CTDP1: variants seen among roughly 807,000 people sequenced by gnomAD.
The protein encoded by CTDP1 is RNA polymerase II subunit A C-terminal domain phosphatase.
A neutral mutation model predicts 91.8 loss-of-function variants in CTDP1; 47 were observed. The observed-to-expected ratio is 0.51, with a 90% CI of 0.41 to 0.65. The LOEUF (loss-of-function observed/expected upper bound fraction) is 0.65, where lower values mean the gene tolerates loss of function less well. CTDP1 is among the 30% of genes least tolerant of loss of function. CTDP1 has a pLI of 0.00. For missense variants in CTDP1, 1,272 were observed against 1,373.7 expected (o/e 0.93, Z 1.17); for synonymous variants, 656 against 598.5 (o/e 1.10, Z -1.40).
chr18:79,677,193 A>G (rs1475782001), upstream of CTDP1: 1 of 152,292 alleles, frequency 6.6e-6, no homozygotes, highest in Non-Finnish European at 1.5e-5. Flanking sequence ...GTGAGTGTGG[A>G]GCCCTTGGCC....
intron 1 of CTDP1, among the ~76,000 whole-genome samples, chr18:79,694,312 G>A (rs1379186762): frequency 1.8e-5 from 2 of 108,562 alleles, no homozygotes; most frequent in African/African-American, 6.3e-5. Flanking sequence ...TGTCCACGGG[G>A]TGGGGTGGTC....
intron 12 of CTDP1, among the ~76,000 whole-genome samples, chr18:79,747,410 G>A (rs1392687085): frequency 1.3e-5 from 2 of 152,218 alleles, no homozygotes; most frequent in Admixed American, 6.5e-5. Context: ...AGGTGCAGAC[G>A]CCACGGAGGG....
At chr18:79,728,787 G>A (rs565268665) in intron 10 of CTDP1, 120 bp from the exon 11 acceptor site, 15 of 837,890 alleles carry the variant, frequency 1.8e-5, no homozygotes, top group South Asian at 1.3e-4. Context: ...TTTTTCATAC[G>A]TGTTCCCTGT....
chr18:79,743,436 G>A (rs1033090632), intron 12 of CTDP1, among the ~76,000 whole-genome samples: 1 of 146,742 alleles, frequency 6.8e-6, no homozygotes, highest in Non-Finnish European at 1.5e-5. Flanking sequence ...TGAGGCAGGA[G>A]AATTGCTTGA....
At chr18:79,685,102 G>A (rs1414272826) in intron 1 of CTDP1, among the ~76,000 whole-genome samples, 1 of 152,230 alleles carries the variant, frequency 6.6e-6, no homozygotes, top group African/African-American at 2.4e-5. Context: ...CAGATGCCTC[G>A]TGGTGTGCTC....
intron 1 of CTDP1, among the ~76,000 whole-genome samples, chr18:79,687,822 G>T (rs1232240748): frequency 2.0e-5 from 3 of 152,186 alleles, no homozygotes; most frequent in African/African-American, 7.2e-5. Flanking sequence ...AGGTTCTGAG[G>T]CAAGGACTTT....
rs188618175 is a variant in CTDP1, at chr18:79,744,688, G to T, written c.2747+8167G>T. On this transcript the variant is annotated intron_variant, in intron 12 of 12. Coordinates refer to ENST00000613122, the MANE Select transcript of CTDP1 (RefSeq NM_004715.5). ...GGATCCATCGGGAAGAGTGACAGTT[G>T]CTAGCACATGTGCACCGGAAGTGAG... Among the ~76,000 whole-genome samples the T allele has an allele frequency of 2.4e-3, 364 of 152,344 alleles. 1 individual carries two copies. The highest frequency in any genetic ancestry group is 3.7e-3 in the Non-Finnish European group (251 of 68,036).
chr18:79,729,384 C>T (rs780119283), intron 11 of CTDP1, among the ~76,000 whole-genome samples: 26 of 152,208 alleles, frequency 1.7e-4, no homozygotes, highest in Non-Finnish European at 2.8e-4. Context: ...CGGCTCACCC[C>T]AAGGACATGG....
intron 10 of CTDP1, among the ~76,000 whole-genome samples, chr18:79,719,539 C>T (rs2086291119): frequency 6.6e-6 from 1 of 151,924 alleles, no homozygotes; most frequent in Non-Finnish European, 1.5e-5. Context: ...GTTAGGAAGG[C>T]ATCCTGGTGA....
chr18:79,745,236 C>T (rs1197365803), intron 12 of CTDP1, among the ~76,000 whole-genome samples: 6 of 145,044 alleles, frequency 4.1e-5, no homozygotes, highest in African/African-American at 8.0e-5. Context: ...CTGGATTGTG[C>T]GTCCCTCCCA....
In CTDP1 at chr18:79,713,051, A is replaced by G; in HGVS notation, c.943A>G (p.Ile315Val). 6 of 1,614,188 alleles carry G rather than the reference A, an allele frequency of 3.7e-6. No individual in the cohort carries two copies. Among genetic ancestry groups the G allele is most frequent in the Non-Finnish European group, 4.2e-6 (5 of 1,180,026 alleles). ...EDVWKFAPNL[I>V]TVKKYVYFQG... ...TGTCTGGAAGTTTGCCCCCAATCTGATAACTGTGAAGAAATATGTATACTT... is the reference window on the plus strand; with the variant it reads ...TGTCTGGAAGTTTGCCCCCAATCTGGTAACTGTGAAGAAATATGTATACTT... Residue 315 changes from isoleucine to valine, a missense_variant, in exon 7 of 13, where the codon ATA becomes GTA. By Grantham distance (29) the Ile-to-Val change is conservative. Around this residue, in one of 3 missense-constraint regions of CTDP1, gnomAD observed 177 missense variants for 283.0 expected, o/e 0.63. Transcript: ENST00000613122. The surrounding 1 kb of genome is among the most constrained non-coding windows in gnomAD (Gnocchi z 4.7).
rs776469925 is a variant in CTDP1 at position 79,698,022 on chromosome 18, A to G, written c.621+34A>G. The G allele has an allele frequency of 3.7e-6, 6 of 1,613,564 alleles. No individual in the cohort carries two copies. In the African/African-American group the frequency reaches 5.3e-5, roughly 14 times the overall value. On this transcript the variant is annotated intron_variant, in intron 4 of 12. Transcript: ENST00000613122. ...AGTCAGCATCTACGGACAGTTTCCC[A>G]GGAACCGCGGGTCCTAGAATTTTGA...
rs2085930624 is a variant in CTDP1, at chr18:79,704,706, T to A, written c.622-61T>A. ...GGATGCCTGTCTCGGGCACACAGGT[T>A]GCGGGGGCGGCCGGGGCTCCTCAGG... On this transcript the variant is annotated intron_variant, in intron 4 of 12. Transcript: ENST00000613122. The A allele has an allele frequency of 1.6e-5, 26 of 1,604,602 alleles. No homozygotes were observed. In the South Asian group the frequency reaches 2.7e-4, roughly 17 times the overall value.
In CTDP1 at chr18:79,681,221, A is replaced by G. The variant is rs541714980; in HGVS notation, c.314+960A>G. ...ACAGGAGTCTTCCCGTCACAGCCCCAGAACGTCCTGGCTCCGCTTCCTTTG... is the reference window on the plus strand; with the variant it reads ...ACAGGAGTCTTCCCGTCACAGCCCCGGAACGTCCTGGCTCCGCTTCCTTTG... On this transcript the variant is annotated intron_variant, in intron 1 of 12. Coordinates refer to ENST00000613122, the MANE Select transcript of CTDP1 (RefSeq NM_004715.5). Among the ~76,000 whole-genome samples, 120 of 152,348 alleles carry G rather than the reference A, an allele frequency of 7.9e-4. 1 individual carries two copies. The highest frequency in any genetic ancestry group is 2.6e-3 in the African/African-American group (110 of 41,588).
intron 2 of CTDP1, among the ~76,000 whole-genome samples, 172 bp downstream of exon 2, chr18:79,695,480 C>T (rs545631366): frequency 3.3e-5 from 5 of 152,296 alleles, no homozygotes; most frequent in South Asian, 2.1e-4. Context: ...TCCCTGGAGG[C>T]AGTCCTTCCT....
In CTDP1 at chr18:79,714,660, G is replaced by C. The variant is rs1365811017; in HGVS notation, c.1200G>C (p.Lys400Asn). 6.2e-7 allele frequency: 1 copy of C among 1,612,066 alleles called. No homozygotes were observed. The highest frequency in any genetic ancestry group is 1.3e-5 in the African/African-American group (1 of 75,056). ...CGCGGGACTCACCCCGCCCCGGGAAGCCAGACGAGAGGGACATCTGGCCCC... is the reference window on the plus strand; with the variant it reads ...CGCGGGACTCACCCCGCCCCGGGAACCCAGACGAGAGGGACATCTGGCCCC... ...ATPRDSPRPG[K>N]PDERDIWPPA... The change falls in exon 8 of 13, where the codon AAG becomes AAC. Residue 400 changes from lysine (K) to asparagine (N), a missense_variant. Lys to Asn is a moderately conservative substitution (Grantham distance 94, BLOSUM62 0). Coordinates refer to ENST00000613122, the MANE Select transcript of CTDP1 (RefSeq NM_004715.5).
intron 2 of CTDP1, among the ~76,000 whole-genome samples, 159 bp downstream of exon 2, chr18:79,695,467 G>T (rs571892142): frequency 3.9e-5 from 6 of 152,156 alleles, no homozygotes; most frequent in Non-Finnish European, 8.8e-5. Flanking sequence ...CACTCAATGG[G>T]TTTCCCTGGA....
At chr18:79,711,126 G>T (rs1052623471) in intron 6 of CTDP1, among the ~76,000 whole-genome samples, 3 of 152,062 alleles carry the variant, frequency 2.0e-5, no homozygotes, top group African/African-American at 4.8e-5. Flanking sequence ...AGCACAATTC[G>T]ATGTCAGCCC....
At chr18:79,748,459 A>G (rs963341560) in intron 12 of CTDP1, among the ~76,000 whole-genome samples, 1 of 152,210 alleles carries the variant, frequency 6.6e-6, no homozygotes, top group Admixed American at 6.5e-5. Flanking sequence ...ACCTGGTCCC[A>G]GACACTCAGC....
Sources: gnomAD v4.1 joint callset for allele counts (sites outside exome capture counted in the v4.1 genomes callset) on GRCh38, gnomAD v4.1.1 for gene constraint, gnomAD v4.1.1 regional missense constraint, Gnocchi (gnomAD v3.1) non-coding constraint, MANE v1.5 for transcripts, NCBI Gene and HGNC (gene_info 2026-07-23, HGNC 2026-07-21) for gene names.